LARGE1: variants seen among roughly 807,000 people sequenced by gnomAD.
LARGE1 encodes the protein LARGE xylosyl- and glucuronyltransferase 1.
LARGE1 carries 43 observed loss-of-function variants against 87.6 expected under a neutral mutation model. The observed-to-expected ratio is 0.49, with a 90% confidence interval of 0.38 to 0.63. LARGE1 has a LOEUF of 0.63. LARGE1 is among the 30% of genes least tolerant of loss of function. The pLI, the probability that LARGE1 is intolerant of heterozygous loss-of-function variation, is 0.00. For missense variants in LARGE1, 802 were observed against 1,000.2 expected, an observed-to-expected ratio of 0.80 and a Z score of 2.67; for synonymous variants, 434 against 394.6, an observed-to-expected ratio of 1.10 and a Z score of -1.18.
At chr22:33,324,306 A>C (rs1601448241) in intron 10 of LARGE1, among the ~76,000 whole-genome samples, 1 of 132,332 alleles carries the variant, frequency 7.6e-6, no homozygotes, top group Non-Finnish European at 1.6e-5. Flanking sequence ...CCCCCCCCCC[A>C]AAACAAACAA....
intron 1 of LARGE1, among the ~76,000 whole-genome samples, chr22:33,876,372 G>A (rs1394556617): frequency 6.6e-6 from 1 of 152,034 alleles, no homozygotes; most frequent in Non-Finnish European, 1.5e-5. Context: ...GGCAGTGATG[G>A]GAGAGGGGGA....
intron 1 of LARGE1, among the ~76,000 whole-genome samples, chr22:33,904,326 T>G (rs2065372454): frequency 6.6e-6 from 1 of 152,186 alleles, no homozygotes; most frequent in African/African-American, 2.4e-5. Flanking sequence ...TGGCTAATTT[T>G]TGTATTTTTA....
rs192052274 is a variant in LARGE1, at chr22:33,722,440, A to C, written c.106+38931T>G. On this transcript the variant is annotated intron_variant, in intron 2 of 14. Transcript: ENST00000397394. ...AATTATAAGTCATTAGGAAGATACT[A>C]AGGTCAATGATGTGGTGATGACAAA... Among the ~76,000 whole-genome samples, 19 of 152,296 alleles carry C rather than the reference A, an allele frequency of 1.2e-4. No homozygotes were observed. The East Asian group carries it at 3.5e-3, about 28-fold the overall frequency.
intron 1 of LARGE1, among the ~76,000 whole-genome samples, chr22:33,796,626 T>C (rs1019468560): frequency 6.6e-6 from 1 of 151,976 alleles, no homozygotes; most frequent in South Asian, 2.1e-4. Context: ...AAAAGCACCA[T>C]ACCAACACAC....
At chr22:33,732,416 CA>C (rs1371167444) in intron 2 of LARGE1, 1 of 152,340 alleles carries the variant, frequency 6.6e-6, no homozygotes, top group African/African-American at 2.4e-5. Flanking sequence ...GGCAGTAGAA[CA>C]GAACCAGAAT....
intron 11 of LARGE1, among the ~76,000 whole-genome samples, chr22:33,216,127 C>A (rs959207205): frequency 6.6e-6 from 1 of 152,208 alleles, no homozygotes; most frequent in Non-Finnish European, 1.5e-5. Context: ...TTCTTCAATA[C>A]TAGCTCTGTC....
At chr22:33,454,545 G>A (rs182271828) in intron 6 of LARGE1, among the ~76,000 whole-genome samples, 20 of 151,832 alleles carry the variant, frequency 1.3e-4, no homozygotes, top group African/African-American at 4.8e-4. Flanking sequence ...CTTGAATCCG[G>A]GAGGCGGAGG....
chr22:33,521,669 A>C (rs1452884339), intron 6 of LARGE1, among the ~76,000 whole-genome samples: 1 of 152,078 alleles, frequency 6.6e-6, no homozygotes, highest in African/African-American at 2.4e-5. Flanking sequence ...CAGGGGAAAA[A>C]CTTGTGGCCA....
At chr22:33,777,274 C>T (rs182472144) in intron 1 of LARGE1, among the ~76,000 whole-genome samples, 1 of 152,134 alleles carries the variant, frequency 6.6e-6, no homozygotes, top group Non-Finnish European at 1.5e-5. Context: ...GAAGGAGAAT[C>T]TGAACTTCCT....
chr22:33,207,944 T>C (rs966014008), intron 11 of LARGE1, among the ~76,000 whole-genome samples: 1 of 152,192 alleles, frequency 6.6e-6, no homozygotes, highest in Non-Finnish European at 1.5e-5. Flanking sequence ...ACAAATTCCA[T>C]TGAGTTTAGG....
intron 1 of LARGE1, among the ~76,000 whole-genome samples, chr22:33,859,144 C>A (rs2065008683): frequency 6.6e-6 from 1 of 152,070 alleles, no homozygotes; most frequent in Admixed American, 6.5e-5. Context: ...ACCTATGTAA[C>A]ATAACTGCAC....
chr22:33,566,402 C>T (rs1325225067), intron 5 of LARGE1, among the ~76,000 whole-genome samples: 2 of 152,192 alleles, frequency 1.3e-5, no homozygotes, highest in African/African-American at 4.8e-5. Flanking sequence ...CCAAATGAAA[C>T]ACATTCACCC....
At chr22:33,358,633 T>C (rs1416761843) in intron 9 of LARGE1, among the ~76,000 whole-genome samples, 1 of 152,150 alleles carries the variant, frequency 6.6e-6, no homozygotes, top group Non-Finnish European at 1.5e-5. Flanking sequence ...ATTTTTCTTT[T>C]AGGTGTACTC....
intron 6 of LARGE1, among the ~76,000 whole-genome samples, chr22:33,523,430 C>T (rs2071717076): frequency 6.6e-6 from 1 of 152,170 alleles, no homozygotes; most frequent in Non-Finnish European, 1.5e-5. Flanking sequence ...TGTGTTGATA[C>T]TCTGTACCCA....
intron 3 of LARGE1, among the ~76,000 whole-genome samples, chr22:33,646,144 A>C (rs2080605610): frequency 6.6e-6 from 1 of 152,204 alleles, no homozygotes; most frequent in Admixed American, 6.5e-5. Context: ...ACGTATGTTA[A>C]CTGCAGTGCT....
intron 9 of LARGE1, among the ~76,000 whole-genome samples, chr22:33,375,063 T>C (rs2064946830): frequency 6.6e-6 from 1 of 152,170 alleles, no homozygotes; most frequent in Non-Finnish European, 1.5e-5. Flanking sequence ...TGAAGAAACA[T>C]GAATTCATGA....
the LARGE1 span, among the ~76,000 whole-genome samples, chr22:33,094,890 G>T: frequency 1.1e-4 from 16 of 152,090 alleles, no homozygotes; most frequent in Non-Finnish European, 2.1e-4. Flanking sequence ...GGCTAATTTT[G>T]TATTTTTTAG....
intron 9 of LARGE1, among the ~76,000 whole-genome samples, chr22:33,352,104 ATCCCTAGTAATGTTATATGTGGGCAT>A (rs1940445507): frequency 6.6e-6 from 1 of 152,214 alleles, no homozygotes; most frequent in African/African-American, 2.4e-5. Flanking sequence ...AATGGCTAAC[ATCCCTAGTAATGTTATATGTGGGCAT>A]CATGTACCTC....
intron 2 of LARGE1, among the ~76,000 whole-genome samples, chr22:33,726,609 C>G (rs984602172): frequency 2.0e-5 from 3 of 152,196 alleles, no homozygotes; most frequent in African/African-American, 7.2e-5. Flanking sequence ...CTAAAAATAT[C>G]TGTGAACAGC....
Sources: allele counts gnomAD v4.1 joint callset (sites outside exome capture counted in the v4.1 genomes callset), GRCh38; gene constraint gnomAD v4.1.1; transcripts MANE v1.5; gene names NCBI Gene and HGNC (gene_info 2026-07-23, HGNC 2026-07-21).